DAB1: variants seen among roughly 807,000 people sequenced by gnomAD.
The protein encoded by DAB1 is DAB adaptor protein 1.
In DAB1, 15 loss-of-function variants were observed where a neutral mutation model predicts 64.6. The ratio of observed to expected loss-of-function variants is 0.23; its 90% CI spans 0.16 to 0.36. DAB1 has a LOEUF of 0.36. Among genes scored for constraint, DAB1 ranks in the 10% least tolerant of loss-of-function variants. The pLI is 1.00. For missense variants in DAB1, 596 were observed against 706.7 expected (o/e 0.84, Z 1.78); for synonymous variants, 235 against 251.9 (o/e 0.93, Z 0.64).
chr1:57,233,419 C>T (rs1398822680), intron 2 of DAB1, among the ~76,000 whole-genome samples: 4 of 151,258 alleles, frequency 2.6e-5, no homozygotes, highest in African/African-American at 7.3e-5. Context: ...CCCGCCATTA[C>T]GCCTGGCTAA....
Position 57,443,710 on chromosome 1 carries a change from A to G in DAB1, n.626-152544T>C, listed in dbSNP as rs115375012. 4.0e-3 allele frequency among the ~76,000 whole-genome samples: 611 copies of G among 152,248 alleles called. 1 individual carries two copies. Among genetic ancestry groups the G allele is most frequent in the African/African-American group, 0.014 (586 of 41,546 alleles). ...GCTTCCCTCTGCTTCATTCCCCTAT[A>G]GCCAGTCCTTGGGAATTCCTACCTC... On this transcript the variant is annotated intron_variant and non_coding_transcript_variant, in intron 7 of 20. Coordinates refer to the DAB1 transcript ENST00000485760.
chr1:58,252,986 G>T (rs1288193221), intron 4 of DAB1, among the ~76,000 whole-genome samples: 1 of 152,160 alleles, frequency 6.6e-6, no homozygotes, highest in Non-Finnish European at 1.5e-5. Flanking sequence ...TCCAGATAGG[G>T]ATCTTAAATG....
At chr1:57,676,588 G>A (rs1646568659) in intron 6 of DAB1, among the ~76,000 whole-genome samples, 1 of 152,188 alleles carries the variant, frequency 6.6e-6, no homozygotes, top group South Asian at 2.1e-4. Flanking sequence ...GAAGAGGGCA[G>A]CACCAGAAAA....
chr1:57,571,489 A>G (rs555042477), intron 7 of DAB1, among the ~76,000 whole-genome samples: 72 of 152,322 alleles, frequency 4.7e-4, no homozygotes, highest in African/African-American at 1.7e-3. Flanking sequence ...GTAAGAATAC[A>G]TGGACATGGC....
chr1:58,159,994 AC>A (rs1655435505), intron 4 of DAB1, among the ~76,000 whole-genome samples: 1 of 152,128 alleles, frequency 6.6e-6, no homozygotes, highest in African/African-American at 2.4e-5. Flanking sequence ...AAAAGAAGAT[AC>A]CTTTTTTTTT....
intron 1 of DAB1, among the ~76,000 whole-genome samples, chr1:57,356,151 A>G (rs1160445920): frequency 1.3e-5 from 2 of 152,108 alleles, no homozygotes; most frequent in Non-Finnish European, 2.9e-5. Flanking sequence ...CATAGTAGTC[A>G]GTGAATGTTG....
At chr1:58,250,597 C>T (rs1161497360) in intron 4 of DAB1, among the ~76,000 whole-genome samples, 1 of 152,188 alleles carries the variant, frequency 6.6e-6, no homozygotes, top group African/African-American at 2.4e-5. Context: ...CCACCTAGCG[C>T]GGAATGCTGC....
Position 58,442,204 on chromosome 1 carries a change from A to T in DAB1, n.257+63856T>A, listed in dbSNP as rs182097976. Among the ~76,000 whole-genome samples, 67 of 152,290 alleles carry T rather than the reference A, an allele frequency of 4.4e-4. 1 individual carries two copies. Among genetic ancestry groups the T allele is most frequent in the African/African-American group, 1.6e-3 (65 of 41,560 alleles). On this transcript the variant is annotated intron_variant and non_coding_transcript_variant, in intron 3 of 20. Coordinates refer to the DAB1 transcript ENST00000485760. ...GCATGAATGCACATGTGAACCCTCA[A>T]ACCCAAGTTGGAGGTTTCCCAAGCA... is the stretch of plus-strand genomic sequence containing the variant.
intron 2 of DAB1, among the ~76,000 whole-genome samples, chr1:57,246,867 G>A (rs962280202): frequency 6.6e-6 from 1 of 152,200 alleles, no homozygotes; most frequent in Non-Finnish European, 1.5e-5. Flanking sequence ...TGTCATACTG[G>A]GTTTTGGACT....
chr1:57,800,736 T>G (rs1335561098), intron 6 of DAB1, among the ~76,000 whole-genome samples: 1 of 152,128 alleles, frequency 6.6e-6, no homozygotes. Context: ...CCCAAATCCC[T>G]TTCATCAGTT....
chr1:58,056,216 G>A (rs376776108), intron 5 of DAB1: 18 of 1,515,670 alleles, frequency 1.2e-5, no homozygotes, highest in African/African-American at 8.2e-5. Context: ...CGGGCTTCAC[G>A]AGATCGATTC....
At chr1:58,537,587 T>C (rs968763108) in intron 1 of DAB1, among the ~76,000 whole-genome samples, 1 of 152,210 alleles carries the variant, frequency 6.6e-6, no homozygotes, top group South Asian at 2.1e-4. Context: ...CAACAAGCAA[T>C]GTTTTCAATA....
At chr1:57,968,707 T>C (rs1463557645) in intron 5 of DAB1, among the ~76,000 whole-genome samples, 1 of 152,172 alleles carries the variant, frequency 6.6e-6, no homozygotes, top group Non-Finnish European at 1.5e-5. Flanking sequence ...GGTTAGAACA[T>C]AGCTACTATT....
At chr1:57,044,182 C>T (rs1648165622) in intron 9 of DAB1, among the ~76,000 whole-genome samples, 1 of 152,192 alleles carries the variant, frequency 6.6e-6, no homozygotes, top group Non-Finnish European at 1.5e-5. Flanking sequence ...TGTTCATTGC[C>T]TTGTTTGGTT....
intron 7 of DAB1, among the ~76,000 whole-genome samples, chr1:57,474,888 G>A (rs2691449): frequency 0.96 from 145,650 of 152,216 alleles, 70,037 homozygotes; most frequent in East Asian, 1. Context: ...TGTTGGGGTA[G>A]TAAGAGAAGA....
chr1:57,416,058 G>T (rs945116193), intron 1 of DAB1, among the ~76,000 whole-genome samples: 1 of 152,136 alleles, frequency 6.6e-6, no homozygotes, highest in African/African-American at 2.4e-5. Flanking sequence ...TGTACCAAAA[G>T]CTTCCTCCGG....
intron 3 of DAB1, among the ~76,000 whole-genome samples, chr1:58,462,302 AT>A (rs1476289024): frequency 6.6e-6 from 1 of 151,372 alleles, no homozygotes; most frequent in Non-Finnish European, 1.5e-5. Context: ...AATTTTTTGT[AT>A]TTTTAGTAGA....
intron 6 of DAB1, among the ~76,000 whole-genome samples, chr1:57,806,852 T>C (rs1651386434): frequency 1.3e-5 from 2 of 152,322 alleles, no homozygotes; most frequent in South Asian, 4.1e-4. Flanking sequence ...TTTTTATTCT[T>C]TAAAACATGT....
chr1:57,285,339 G>A (rs1042682530), intron 2 of DAB1, among the ~76,000 whole-genome samples: 2 of 152,100 alleles, frequency 1.3e-5, no homozygotes, highest in African/African-American at 4.8e-5. Flanking sequence ...CACAATCTCA[G>A]CTCACTGCAA....
Sources: gnomAD v4.1 joint callset for allele counts (sites outside exome capture counted in the v4.1 genomes callset) on GRCh38, gnomAD v4.1.1 for gene constraint, MANE v1.5 for transcripts, NCBI Gene and HGNC (gene_info 2026-07-23, HGNC 2026-07-21) for gene names.